The following EBF1 variants were observed in gnomAD, a reference collection of about 807,000 sequenced individuals.
EBF1 encodes the protein transcription factor COE1.
A neutral mutation model predicts 68.4 loss-of-function variants in EBF1; 10 were observed. The observed-to-expected ratio is 0.15, with a 90% confidence interval of 0.09 to 0.25. The LOEUF is 0.25. Ranked by LOEUF, EBF1 falls within the 10% of genes least tolerant of loss-of-function variation. The pLI is 1.00. For synonymous variants in EBF1, 298 were observed against 299.8 expected (o/e 0.99, Z 0.06); for missense variants, 509 against 794.4 (o/e 0.64, Z 4.32).
chr5:158,897,463 G>A lies in EBF1; in HGVS notation c.555-57353C>T, dbSNP rs555299551. Among the ~76,000 whole-genome samples the A allele has an allele frequency of 6.6e-5, 10 of 152,110 alleles. No individual in the cohort carries two copies. The South Asian group carries it at 2.1e-3, about 32-fold the overall frequency. ...GAGGATGAGGAAAAATAACTAATGG[G>A]TACTAGGCTTAATACCTGGATGATG... On this transcript the variant is annotated intron_variant, in intron 6 of 15. Transcript: ENST00000313708.
rs1324483712 is a variant in EBF1 at position 158,710,670 on chromosome 5, G to T, written c.1549+1484C>A. 2.6e-5 allele frequency among the ~76,000 whole-genome samples: 4 copies of T among 152,158 alleles called. No individual in the cohort carries two copies. The East Asian group carries it at 7.7e-4, about 29-fold the overall frequency. ...TTGAGCAGAAAAATTCACCCAGAAA[G>T]TAAAAGTCTGTAAGTACATTTTCAG... On this transcript the variant is annotated intron_variant, in intron 14 of 15. Transcript: ENST00000313708.
At position 158,978,906 on chromosome 5, in the gene EBF1, G is replaced by A. The variant is rs993172020; in HGVS notation, c.554+94490C>T. Among the ~76,000 whole-genome samples, 4 of 152,064 alleles carry A rather than the reference G, an allele frequency of 2.6e-5. No individual in the cohort carries two copies. In the East Asian group the frequency reaches 7.7e-4, roughly 29 times the overall value. On this transcript the variant is annotated intron_variant, in intron 6 of 15. Coordinates refer to ENST00000313708, the MANE Select transcript of EBF1 (RefSeq NM_024007.5). The stretch of plus-strand genomic sequence containing the variant: ...GAGAATCACTCAGTTTCCAAGCAGG[G>A]TCAGTGTAATATTCTCCATTCGGTG...
chr5:158,962,413 AC>A (rs897483437), intron 6 of EBF1, among the ~76,000 whole-genome samples: 14 of 152,166 alleles, frequency 9.2e-5, no homozygotes, highest in African/African-American at 2.6e-4. Context: ...AGGCAACAAC[AC>A]CACAATGGCC....
chr5:159,042,707 T>A (rs1269063861), intron 6 of EBF1, among the ~76,000 whole-genome samples: 1 of 152,156 alleles, frequency 6.6e-6, no homozygotes, highest in Non-Finnish European at 1.5e-5. Flanking sequence ...AAAATCCGTC[T>A]TCTAAAGACA....
chr5:158,772,840 C>G (rs919379094), intron 10 of EBF1, among the ~76,000 whole-genome samples: 2 of 152,174 alleles, frequency 1.3e-5, no homozygotes, highest in African/African-American at 4.8e-5. Flanking sequence ...TATCTAGCCT[C>G]ATGCTAAATA....
chr5:158,849,318 C>A (rs927352588), intron 6 of EBF1, among the ~76,000 whole-genome samples: 5 of 152,182 alleles, frequency 3.3e-5, no homozygotes. Flanking sequence ...TCACACCAAG[C>A]TACATCCTGT....
intron 6 of EBF1, among the ~76,000 whole-genome samples, chr5:158,902,714 T>C (rs1803693426): frequency 2.0e-5 from 3 of 151,808 alleles, no homozygotes; most frequent in African/African-American, 4.8e-5. Context: ...TATCAGCCTC[T>C]CAAAGTGCTG....
intron 10 of EBF1, among the ~76,000 whole-genome samples, chr5:158,769,189 C>A (rs1468510338): frequency 6.6e-6 from 1 of 152,158 alleles, no homozygotes; most frequent in African/African-American, 2.4e-5. Context: ...GTAGGAAATA[C>A]TTCATATCCC....
chr5:158,707,467 T>A (rs1758111191), intron 15 of EBF1: 1 of 224,340 alleles, frequency 4.5e-6, no homozygotes, highest in Non-Finnish European at 8.9e-6. Flanking sequence ...TGATCTAACT[T>A]CAGGGCTCTG....
chr5:158,793,887 G>A (rs1036603422), intron 9 of EBF1, among the ~76,000 whole-genome samples: 6 of 152,098 alleles, frequency 3.9e-5, no homozygotes, highest in South Asian at 4.2e-4. Context: ...TAGCCTGTAC[G>A]AAAACCTAAA....
rs180908917 is a variant in EBF1, at chr5:158,849,601, C to T, written c.555-9491G>A. ...AATGGTCTGCCCCTGCAAGACACCA[C>T]GGACTTCTGATAGTGCCTTTCCATT... is the stretch of plus-strand genomic sequence containing the variant. On this transcript the variant is annotated intron_variant, in intron 6 of 15. Transcript: ENST00000313708. 1.4e-3 allele frequency among the ~76,000 whole-genome samples: 213 copies of T among 152,330 alleles called. 3 individuals carry two copies. The highest frequency in any genetic ancestry group is 7.8e-4 in the Non-Finnish European group (53 of 68,032).
chr5:158,957,346 T>C (rs1459879881), intron 6 of EBF1, among the ~76,000 whole-genome samples: 1 of 152,120 alleles, frequency 6.6e-6, no homozygotes, highest in Non-Finnish European at 1.5e-5. Flanking sequence ...TTAAGTCACA[T>C]AAGAAATGAA....
At chr5:159,022,066 A>AAAAAAAAAAAAG in intron 6 of EBF1, among the ~76,000 whole-genome samples, 1 of 151,338 alleles carries the variant, frequency 6.6e-6, no homozygotes. Flanking sequence ...TAAAAAAAAA[A>AAAAAAAAAAAAG]AAAAAAAAAA....
intron 6 of EBF1, among the ~76,000 whole-genome samples, chr5:159,033,564 C>A (rs1769388993): frequency 6.6e-6 from 1 of 152,170 alleles, no homozygotes; most frequent in Non-Finnish European, 1.5e-5. Context: ...AGGGTTGTAT[C>A]TTGACAGTGA....
chr5:158,754,089 T>G (rs1581601453), intron 10 of EBF1, among the ~76,000 whole-genome samples: 1 of 152,096 alleles, frequency 6.6e-6, no homozygotes, highest in East Asian at 1.9e-4. Flanking sequence ...TTGGCAAACT[T>G]GAAGTATTAC....
intron 6 of EBF1, among the ~76,000 whole-genome samples, chr5:159,030,145 CAAAG>C (rs998391365): frequency 4.6e-5 from 7 of 151,046 alleles, no homozygotes; most frequent in African/African-American, 1.7e-4. Flanking sequence ...GAATGTAAAA[CAAAG>C]AACACAAAAT....
At chr5:159,083,057 T>C (rs182554005) in intron 5 of EBF1, among the ~76,000 whole-genome samples, 219 of 152,348 alleles carry the variant, frequency 1.4e-3, no homozygotes, top group African/African-American at 5.0e-3. Flanking sequence ...AGTCTAAACA[T>C]GTGCAGATAT....
At chr5:158,901,185 T>TTC (rs1803236081) in intron 6 of EBF1, among the ~76,000 whole-genome samples, 1 of 152,208 alleles carries the variant, frequency 6.6e-6, no homozygotes, top group Non-Finnish European at 1.5e-5. Flanking sequence ...GAACAATTCT[T>TTC]TCTCTCTCTC....
intron 11 of EBF1, among the ~76,000 whole-genome samples, chr5:158,718,410 CCCTT>C (rs1459594594): frequency 2.0e-5 from 3 of 152,120 alleles, no homozygotes; most frequent in South Asian, 2.1e-4. Flanking sequence ...TTTTGCCTTC[CCCTT>C]TTTTTGGAGG....
Sources: allele counts gnomAD v4.1 joint callset (sites outside exome capture counted in the v4.1 genomes callset), GRCh38; gene constraint gnomAD v4.1.1; transcripts MANE v1.5; gene names NCBI Gene and HGNC (gene_info 2026-07-23, HGNC 2026-07-21).